The following GTF2IRD1 variants were observed in gnomAD, a reference collection of about 807,000 sequenced individuals.
GTF2IRD1 encodes general transcription factor II-I repeat domain-containing protein 1.
Under a neutral mutation model 113.2 loss-of-function variants are expected in GTF2IRD1, and 26 were observed. The observed-to-expected ratio is 0.23, with a 90% CI of 0.17 to 0.32. The LOEUF (loss-of-function observed/expected upper bound fraction) is 0.32. Among genes scored for constraint, GTF2IRD1 ranks in the 10% least tolerant of loss-of-function variants. The pLI is 1.00. For synonymous variants in GTF2IRD1, 484 were observed against 529.1 expected, an observed-to-expected ratio of 0.91 and a Z score of 1.17; for missense variants, 864 against 1,280.8, an observed-to-expected ratio of 0.67 and a Z score of 4.97.
At chr7:74,515,333 ATT>A (rs1425666058) in intron 3 of GTF2IRD1, 106 bp from the exon 4 acceptor site, 2 of 1,530,222 alleles carry the variant, frequency 1.3e-6, no homozygotes, top group Non-Finnish European at 1.8e-6. Flanking sequence ...TGTGTATCAC[ATT>A]GTGTGCCAGT....
At chr7:74,465,688 C>T (rs1793663563) in intron 1 of GTF2IRD1, among the ~76,000 whole-genome samples, 2 of 152,162 alleles carry the variant, frequency 1.3e-5, no homozygotes, top group South Asian at 2.1e-4. Context: ...CCCATCATTC[C>T]AAGATCTGTT....
In GTF2IRD1 at chr7:74,495,694, T is replaced by G. The variant is rs1795617290; in HGVS notation, c.-6-12381T>G. ...AACCGAGGGGCACAACAGGAGGTGT[T>G]GACGAGCCCACAAGAGCTAAGAGGG... On this transcript the variant is annotated intron_variant, in intron 1 of 26. Coordinates refer to ENST00000424337, the MANE Select transcript of GTF2IRD1 (RefSeq NM_005685.4). Among the ~76,000 whole-genome samples the G allele has an allele frequency of 1.3e-5, 2 of 151,928 alleles. 1 individual carries two copies. Among genetic ancestry groups the G allele is most frequent in the South Asian group, 4.2e-4 (2 of 4,812 alleles).
chr7:74,563,745 G>A (rs1554359792), intron 22 of GTF2IRD1, among the ~76,000 whole-genome samples: 3 of 151,970 alleles, frequency 2.0e-5, no homozygotes, highest in Non-Finnish European at 2.9e-5. Context: ...AATTAGCCAG[G>A]CACGGTGGCA....
At chr7:74,521,430 A>G in intron 7 of GTF2IRD1, 133 bp downstream of exon 7, 3 of 671,922 alleles carry the variant, frequency 4.5e-6, no homozygotes, top group Non-Finnish European at 5.4e-6. Context: ...AGGGGCTGCA[A>G]GTAAACTGGG....
intron 22 of GTF2IRD1, chr7:74,570,990 C>T (rs1355973783): frequency 3.0e-5 from 16 of 537,816 alleles, no homozygotes; most frequent in African/African-American, 2.9e-4. Flanking sequence ...TGGGCAAACA[C>T]GAGGGCTCTC....
intron 17 of GTF2IRD1, among the ~76,000 whole-genome samples, chr7:74,551,538 A>G (rs1201832366): frequency 2.0e-5 from 3 of 152,168 alleles, no homozygotes; most frequent in Non-Finnish European, 4.4e-5. Context: ...CTGTGACAGG[A>G]TATAATGCAG....
intron 1 of GTF2IRD1, chr7:74,506,343 C>G (rs1796296753): frequency 2.0e-5 from 3 of 152,260 alleles, no homozygotes; most frequent in Admixed American, 2.0e-4. Flanking sequence ...GACCTGGTTT[C>G]TGCCCTCAAA....
chr7:74,572,167 C>T (rs1234996537), intron 22 of GTF2IRD1, among the ~76,000 whole-genome samples: 1 of 152,100 alleles, frequency 6.6e-6, no homozygotes, highest in African/African-American at 2.4e-5. Flanking sequence ...CTGAGCCAGG[C>T]CTGGATGCTA....
At chr7:74,567,119 G>A (rs1212880324) in intron 22 of GTF2IRD1, among the ~76,000 whole-genome samples, 1 of 152,128 alleles carries the variant, frequency 6.6e-6, no homozygotes, top group Non-Finnish European at 1.5e-5. Flanking sequence ...CACAAGGTCA[G>A]GAGATCAAGA....
At position 74,547,411 on chromosome 7, in the gene GTF2IRD1, G is replaced by C. The variant is rs1167027198; in HGVS notation, c.1916+125G>C. 3 of 682,464 alleles carry C rather than the reference G, an allele frequency of 4.4e-6. No individual in the cohort carries two copies. The African/African-American group carries it at 5.6e-5, about 13-fold the overall frequency. 42.3% of individuals were successfully genotyped at this position (682,464 alleles called of 1,614,324 possible). A position where few individuals can be genotyped will look rare whatever the true frequency, so the allele number is the denominator to read the frequency against. On this transcript the variant is annotated intron_variant, in intron 17 of 26. Coordinates refer to ENST00000424337, the MANE Select transcript of GTF2IRD1 (RefSeq NM_005685.4). ...GCCACCTGAATAGCTGGGACCACAG[G>C]TGTGAGGTGTGTGCCACCATGCCCA...
chr7:74,601,263 G>A (rs1554373998), intron 26 of GTF2IRD1, 83 bp downstream of exon 26: 3 of 1,550,962 alleles, frequency 1.9e-6, no homozygotes, highest in Non-Finnish European at 2.6e-6. Flanking sequence ...ACTCTGGGAT[G>A]TGGGCCCAGG....
chr7:74,483,276 C>T (rs533909691), intron 1 of GTF2IRD1, among the ~76,000 whole-genome samples: 1 of 152,196 alleles, frequency 6.6e-6, no homozygotes, highest in African/African-American at 2.4e-5. Flanking sequence ...CACAGTGGCT[C>T]ATTCCTGTAA....
At chr7:74,569,322 G>A (rs781886209) in intron 22 of GTF2IRD1, among the ~76,000 whole-genome samples, 4 of 152,182 alleles carry the variant, frequency 2.6e-5, no homozygotes, top group Non-Finnish European at 4.4e-5. Flanking sequence ...CCTGTGAGGT[G>A]GGTGCTGTTG....
intron 1 of GTF2IRD1, among the ~76,000 whole-genome samples, chr7:74,504,543 T>C (rs1307703160): frequency 6.6e-6 from 1 of 152,090 alleles, no homozygotes; most frequent in Non-Finnish European, 1.5e-5. Context: ...TCCTACCGCA[T>C]GGTGACAGCA....
intron 1 of GTF2IRD1, among the ~76,000 whole-genome samples, chr7:74,486,463 T>C (rs1554335607): frequency 6.6e-6 from 1 of 152,126 alleles, no homozygotes; most frequent in Non-Finnish European, 1.5e-5. Context: ...GAGTAAGGGA[T>C]TGAGCCCCCC....
At chr7:74,456,717 G>A (rs1311587787) in intron 1 of GTF2IRD1, among the ~76,000 whole-genome samples, 4 of 151,280 alleles carry the variant, frequency 2.6e-5, no homozygotes, top group South Asian at 2.1e-4. Context: ...TAGTCTTGCC[G>A]TTTTCCTGAA....
intron 1 of GTF2IRD1, among the ~76,000 whole-genome samples, chr7:74,496,311 GGTGGGGGTGTGCA>G (rs1795677411): frequency 6.9e-6 from 1 of 144,354 alleles, no homozygotes; most frequent in Non-Finnish European, 1.5e-5. Context: ...TGTGTGTGGG[GGTGGGGGTGTGCA>G]TGGGGGTGTG....
At position 74,460,429 on chromosome 7, in the gene GTF2IRD1, T is replaced by TC. The variant is rs572524242; in HGVS notation, c.-7+6253_-7+6254insC. Among the ~76,000 whole-genome samples, 11 of 151,664 alleles carry TC rather than the reference T, an allele frequency of 7.3e-5. No individual in the cohort carries two copies. The South Asian group carries it at 2.3e-3, about 32-fold the overall frequency. ...TAATTAAAAAAAAATTTTTTTTTTT[T>TC]AGAGATGGGGTCTTGCGATGTTGCC... On this transcript the variant is annotated intron_variant, in intron 1 of 26. Coordinates refer to ENST00000424337, the MANE Select transcript of GTF2IRD1 (RefSeq NM_005685.4).
intron 1 of GTF2IRD1, among the ~76,000 whole-genome samples, chr7:74,468,533 C>T (rs1425413506): frequency 6.6e-6 from 1 of 151,684 alleles, no homozygotes; most frequent in Non-Finnish European, 1.5e-5. Flanking sequence ...GTGGCACGTG[C>T]CTGTAATCCC....
Sources: allele counts gnomAD v4.1 joint callset (sites outside exome capture counted in the v4.1 genomes callset), GRCh38; gene constraint gnomAD v4.1.1; transcripts MANE v1.5; gene names NCBI Gene and HGNC (gene_info 2026-07-23, HGNC 2026-07-21).